The following POTEB3 variants were observed in gnomAD, a reference collection of about 807,000 sequenced individuals.
POTEB3 encodes the protein ANKRD26-like family B member 1.
POTEB3 carries 5 observed loss-of-function variants against 39.8 expected under a neutral mutation model. That is an observed-to-expected ratio of 0.13 (90% CI 0.07 to 0.26). The LOEUF is 0.26. Ranked by LOEUF, POTEB3 falls within the 10% of genes least tolerant of loss-of-function variation. The pLI is 1.00. For missense variants in POTEB3, 24 were observed against 475.6 expected (o/e 0.05, Z 8.83); for synonymous variants, 5 against 161.5 (o/e 0.03, Z 7.35).
At chr15:21,434,064 C>CAAA (rs1223147084) in intron 3 of POTEB3, among the ~76,000 whole-genome samples, 1 of 100,122 alleles carries the variant, frequency 1.0e-5, no homozygotes, top group African/African-American at 4.8e-5. Context: ...CACACACACA[C>CAAA]AAACAAAAAC....
intron 6 of POTEB3, among the ~76,000 whole-genome samples, chr15:21,422,465 A>AG (rs1273042102): frequency 1.5e-5 from 2 of 129,430 alleles, no homozygotes; most frequent in Non-Finnish European, 3.3e-5. Flanking sequence ...GAAACATATA[A>AG]GGTAACTCAG....
chr15:21,410,801 C>T, intron 10 of POTEB3, 77 bp downstream of exon 10: 1 of 771,788 alleles, frequency 1.3e-6, no homozygotes, highest in Non-Finnish European at 1.8e-6. Context: ...TTTAAAAATC[C>T]TTTATACCTT....
rs1898788121 is a variant in POTEB3 at position 21,427,768 on chromosome 15, AT to A, written c.1056-14del. On this transcript the variant is annotated splice_polypyrimidine_tract_variant and intron_variant, in intron 5 of 10. Coordinates refer to ENST00000611217, the MANE Select transcript of POTEB3 (RefSeq NM_207355.5). ...TAATTCACAAATTCTATGTATAAAA[AT>A]GTAATAAACCAAATTACTATTTTAA... 1.2e-6 allele frequency: 1 copy of A among 800,626 alleles called. No individual in the cohort carries two copies. Among genetic ancestry groups the A allele is most frequent in the South Asian group, 1.5e-5 (1 of 65,778 alleles). 49.6% of individuals were successfully genotyped at this position (800,626 alleles called of 1,614,324 possible).
rs1176738219 is a variant in POTEB3 at position 21,440,251 on chromosome 15, AG to A, written c.-241del. 5.9e-6 allele frequency: 3 copies of A among 510,314 alleles called. No individual in the cohort carries two copies. The highest frequency in any genetic ancestry group is 6.7e-6 in the Non-Finnish European group (2 of 298,296). 31.6% of individuals were successfully genotyped at this position (510,314 alleles called of 1,614,324 possible). A position where few individuals can be genotyped will look rare whatever the true frequency, so the allele number is the denominator to read the frequency against. Reference sequence around the variant, plus strand: ...CCCACGCCCACCCCAGGAAAGGCCAAGCCCCCCCTCCCAAGGAAACACCCAG... The same window carrying A: ...CCCACGCCCACCCCAGGAAAGGCCAACCCCCCCTCCCAAGGAAACACCCAG... On this transcript the variant is annotated 5_prime_UTR_variant, in exon 1 of 11. Transcript: ENST00000611217.
At position 21,411,037 on chromosome 15, in the gene POTEB3, G is replaced by T; in HGVS notation, c.1410-36C>A. ...TTTTAATTTTCATGAAATACTGGAG[G>T]TGTCCCTAAAATGATCTACAGGACA... On this transcript the variant is annotated intron_variant, in intron 9 of 10. Transcript: ENST00000611217. 15 of 1,066,880 alleles carry T rather than the reference G, an allele frequency of 1.4e-5. 2 individuals carry two copies. In the South Asian group the frequency reaches 1.9e-4, roughly 14 times the overall value. 66.1% of individuals were successfully genotyped at this position (1,066,880 alleles called of 1,614,324 possible).
chr15:21,419,403 C>A, intron 9 of POTEB3, 61 bp downstream of exon 9: 1 of 583,352 alleles, frequency 1.7e-6, no homozygotes, highest in Middle Eastern at 6.2e-4. Flanking sequence ...AAAATTTGTT[C>A]ATCATGAAAG....
At chr15:21,430,814 A>C (rs1156302829) in intron 4 of POTEB3, among the ~76,000 whole-genome samples, 1 of 151,686 alleles carries the variant, frequency 6.6e-6, no homozygotes, top group Non-Finnish European at 1.5e-5. Context: ...GAAAGCAGTA[A>C]TATTAATAAT....
chr15:21,434,045 A>C (rs1899087923), intron 3 of POTEB3, among the ~76,000 whole-genome samples: 1 of 127,262 alleles, frequency 7.9e-6, no homozygotes, highest in South Asian at 2.3e-4. Flanking sequence ...ACACACACAC[A>C]CACACACACA....
intron 9 of POTEB3, among the ~76,000 whole-genome samples, chr15:21,417,988 T>A (rs192983453): frequency 0.1 from 10,681 of 102,622 alleles, 2,335 homozygotes; most frequent in African/African-American, 0.26. Context: ...ACTGACTGTT[T>A]TTGTAAGTAA....
intron 6 of POTEB3, chr15:21,425,005 C>T (rs1237250459): frequency 1.3e-5 from 2 of 148,220 alleles, no homozygotes; most frequent in East Asian, 2.0e-4. Flanking sequence ...AAAAGGCCAA[C>T]ACATTAAAAT....
chr15:21,426,507 A>C (rs1898717231), intron 6 of POTEB3, among the ~76,000 whole-genome samples: 1 of 147,168 alleles, frequency 6.8e-6, no homozygotes, highest in African/African-American at 2.6e-5. Flanking sequence ...ATTAGTATCT[A>C]AAAGACATTT....
chr15:21,406,120 G>C lies in POTEB3; in HGVS notation c.*2863C>G, dbSNP rs1476794386. 1.5e-5 allele frequency among the ~76,000 whole-genome samples: 1 copy of C among 67,520 alleles called. No homozygotes were observed. Among genetic ancestry groups the C allele is most frequent in the African/African-American group, 1.7e-4 (1 of 5,730 alleles). The allele number at this position is 67,520 out of a possible 152,430, so 44.3% of individuals were successfully genotyped here. A position where few individuals can be genotyped will look rare whatever the true frequency, so the allele number is the denominator to read the frequency against. Reference sequence around the variant, plus strand: ...CTTTCAGGTACATTAATCAGTCATAGATTTAGTCGTTTATATAATCCCATA... The same window carrying C: ...CTTTCAGGTACATTAATCAGTCATACATTTAGTCGTTTATATAATCCCATA... On this transcript the variant is annotated 3_prime_UTR_variant, in exon 11 of 11. Transcript: ENST00000611217.
intron 8 of POTEB3, among the ~76,000 whole-genome samples, 195 bp from the exon 9 acceptor site, chr15:21,419,825 C>T (rs1213486325): frequency 2.1e-5 from 3 of 140,676 alleles, no homozygotes; most frequent in South Asian, 2.2e-4. Context: ...TAGTATATCA[C>T]TGAAATTTTT....
intron 3 of POTEB3, among the ~76,000 whole-genome samples, chr15:21,433,299 G>T (rs1206518098): frequency 6.6e-6 from 1 of 150,722 alleles, no homozygotes; most frequent in Non-Finnish European, 1.5e-5. Context: ...TGTTGACCAG[G>T]CTAGAGTAGA....
In POTEB3 at chr15:21,416,964, A is replaced by G. The variant is rs2449674; in HGVS notation, c.1409+2500T>C. On this transcript the variant is annotated intron_variant, in intron 9 of 10. Transcript: ENST00000611217. ...CCAAAAAAGAAAAAGAAAAAGTCAC[A>G]AGAAAGAAGACTGAGGAGTGAGCCC... Among the ~76,000 whole-genome samples the G allele has an allele frequency of 4.5e-3, 192 of 42,256 alleles. 13 individuals carry two copies. The highest frequency in any genetic ancestry group is 0.011 in the Middle Eastern group (1 of 88). The allele number at this position is 42,256 out of a possible 152,430, so 27.7% of individuals were successfully genotyped here. A position where few individuals can be genotyped will look rare whatever the true frequency, so the allele number is the denominator to read the frequency against.
rs1289571141 is a variant in POTEB3, at chr15:21,417,862, G to A, written c.1409+1602C>T. On this transcript the variant is annotated intron_variant, in intron 9 of 10. Coordinates refer to ENST00000611217, the MANE Select transcript of POTEB3 (RefSeq NM_207355.5). ...TACCAAAATATATCCTTTTCTCAAAGGAAAGATACTGTCACACATGCTGGG... is the reference window on the plus strand; with the variant it reads ...TACCAAAATATATCCTTTTCTCAAAAGAAAGATACTGTCACACATGCTGGG... Among the ~76,000 whole-genome samples the A allele has an allele frequency of 3.7e-5, 4 of 108,586 alleles. 1 individual carries two copies. The highest frequency in any genetic ancestry group is 2.4e-4 in the South Asian group (1 of 4,238). 71.2% of individuals were successfully genotyped at this position (108,586 alleles called of 152,430 possible).
At chr15:21,425,128 G>A (rs1158863642) in intron 6 of POTEB3, 1 of 141,530 alleles carries the variant, frequency 7.1e-6, no homozygotes, top group African/African-American at 2.7e-5. Flanking sequence ...TACTGCAAAA[G>A]CTTCCTTTGT....
intron 6 of POTEB3, chr15:21,425,189 G>C (rs1276331805): frequency 7.3e-6 from 1 of 137,638 alleles, no homozygotes; most frequent in Non-Finnish European, 1.6e-5. Flanking sequence ...CAAACTATAG[G>C]CCACAGGACA....
chr15:21,413,542 A>ATT (rs1421945182), intron 9 of POTEB3, among the ~76,000 whole-genome samples: 1 of 26,758 alleles, frequency 3.7e-5, no homozygotes, highest in Non-Finnish European at 5.8e-5. Flanking sequence ...ATATATATAT[A>ATT]TATATATATA....
Sources: gnomAD v4.1 joint callset for allele counts (sites outside exome capture counted in the v4.1 genomes callset) on GRCh38, gnomAD v4.1.1 for gene constraint, MANE v1.5 for transcripts, NCBI Gene and HGNC (gene_info 2026-07-23, HGNC 2026-07-21) for gene names.